The following CPO variants were observed in gnomAD, a reference collection of about 807,000 sequenced individuals.
CPO encodes metallocarboxypeptidase C.
Under a neutral mutation model 41.2 loss-of-function variants are expected in CPO, and 43 were observed. The observed-to-expected ratio is 1.04, with a 90% CI of 0.82 to 1.35. The LOEUF (loss-of-function observed/expected upper bound fraction) is 1.35, where lower values mean the gene tolerates loss of function less well. CPO is among the 40% of genes most tolerant of loss of function. The pLI, the probability that CPO is intolerant of heterozygous loss-of-function variation, is 0.00. For missense variants in CPO, 408 were observed against 451.7 expected, an observed-to-expected ratio of 0.90 and a Z score of 0.88; for synonymous variants, 178 against 162.7, an observed-to-expected ratio of 1.09 and a Z score of -0.72.
intron 1 of CPO, 55 bp downstream of exon 1, chr2:206,939,722 G>C: frequency 1.4e-6 from 2 of 1,480,792 alleles, no homozygotes; most frequent in Non-Finnish European, 1.9e-6. Context: ...TGTCTAAATT[G>C]AATGGTTTCT....
In CPO at chr2:206,962,369, CTG is replaced by C. The variant is rs1491192227; in HGVS notation, c.575-42_575-41del. 4 of 1,574,216 alleles carry C rather than the reference CTG, an allele frequency of 2.5e-6. No homozygotes were observed. The East Asian group carries it at 9.0e-5, about 35-fold the overall frequency. ...CTCCTTGCCATTGGTCATTTCCAAACTGAGATCATGCAGCCTTCTTTGTGGTT... is the reference window on the plus strand; with the variant it reads ...CTCCTTGCCATTGGTCATTTCCAAACAGATCATGCAGCCTTCTTTGTGGTT... On this transcript the variant is annotated intron_variant, in intron 6 of 8. Transcript: ENST00000272852.
chr2:206,968,340 T>C lies in CPO; in HGVS notation c.855T>C (p.Asp285=), dbSNP rs751296982. Residue 285 remains aspartate (D), a synonymous_variant, in exon 8 of 9, where the codon GAT becomes GAC. Coordinates refer to ENST00000272852, the MANE Select transcript of CPO (RefSeq NM_173077.3). The part of the protein sequence containing the change: ...GTNYRVGSSA[D]ILYASSGSSR... ...ATTATAGAGTTGGATCGAGTGCAGA[T>C]ATTTTATGTAAGTATCTTTTTTTGC... 5.0e-6 allele frequency: 8 copies of C among 1,595,322 alleles called. No homozygotes were observed. The highest frequency in any genetic ancestry group is 6.0e-6 in the Non-Finnish European group (7 of 1,163,140).
intron 3 of CPO, among the ~76,000 whole-genome samples, chr2:206,957,450 G>A (rs1693391191): frequency 6.6e-6 from 1 of 151,982 alleles, no homozygotes; most frequent in East Asian, 1.9e-4. Flanking sequence ...AAATAGATGA[G>A]GCTAAAAGGA....
intron 2 of CPO, among the ~76,000 whole-genome samples, chr2:206,952,045 C>A (rs1272457745): frequency 2.6e-5 from 4 of 152,182 alleles, no homozygotes; most frequent in Admixed American, 2.6e-4. Context: ...TTTATCTATA[C>A]CTAGCCCATG....
chr2:206,942,230 T>TTGTC (rs1429276527), intron 1 of CPO, among the ~76,000 whole-genome samples: 1 of 152,060 alleles, frequency 6.6e-6, no homozygotes, highest in African/African-American at 2.4e-5. Flanking sequence ...AAATTATATA[T>TTGTC]AGATATAATC....
At chr2:206,947,053 G>T (rs561152265) in intron 1 of CPO, among the ~76,000 whole-genome samples, 2 of 152,128 alleles carry the variant, frequency 1.3e-5, no homozygotes, top group South Asian at 2.1e-4. Flanking sequence ...AAGTTACTTT[G>T]TGGTTATTGA....
chr2:206,945,884 C>T (rs970536542), intron 1 of CPO, among the ~76,000 whole-genome samples: 5 of 151,530 alleles, frequency 3.3e-5, no homozygotes, highest in African/African-American at 9.7e-5. Context: ...TGCAGTCAGC[C>T]GAGATCATGC....
rs142641706 is a variant in CPO, at chr2:206,958,670, A to C, written c.372+265A>C. 3.0e-3 allele frequency among the ~76,000 whole-genome samples: 459 copies of C among 151,378 alleles called. 3 individuals are homozygous for C. Among genetic ancestry groups the C allele is most frequent in the African/African-American group, 0.01 (416 of 41,298 alleles). On this transcript the variant is annotated intron_variant, in intron 4 of 8. Coordinates refer to ENST00000272852, the MANE Select transcript of CPO (RefSeq NM_173077.3). Reference sequence around the variant, plus strand: ...TAGAAGAACATATGTCTATGGAGTCAGAGATGAGTTTGAATCCTGGCTGTG... The same window carrying C: ...TAGAAGAACATATGTCTATGGAGTCCGAGATGAGTTTGAATCCTGGCTGTG...
At chr2:206,955,426 T>G in intron 2 of CPO, 37 bp from the exon 3 acceptor site, 1 of 1,193,092 alleles carries the variant, frequency 8.4e-7, no homozygotes, top group Non-Finnish European at 1.3e-6. Context: ...CAAACAATCT[T>G]CCTACTGATA....
intron 1 of CPO, among the ~76,000 whole-genome samples, chr2:206,945,513 G>T (rs530049102): frequency 6.6e-6 from 1 of 152,102 alleles, no homozygotes; most frequent in African/African-American, 2.4e-5. Flanking sequence ...TAGAATATTC[G>T]CTGTATGACT....
intron 6 of CPO, among the ~76,000 whole-genome samples, chr2:206,961,368 G>C (rs13423289): frequency 0.045 from 6,856 of 152,200 alleles, 515 homozygotes; most frequent in African/African-American, 0.15. Flanking sequence ...CAGTGAATTG[G>C]AAGCAAATAA....
At chr2:206,965,812 A>C (rs923151258) in intron 7 of CPO, among the ~76,000 whole-genome samples, 5 of 152,140 alleles carry the variant, frequency 3.3e-5, no homozygotes, top group African/African-American at 4.8e-5. Context: ...TATTTTTATT[A>C]GGAAGTACCT....
chr2:206,949,575 AGTTTC>A, intron 1 of CPO, 37 bp from the exon 2 acceptor site: 1 of 1,433,434 alleles, frequency 7.0e-7, no homozygotes, highest in Non-Finnish European at 9.8e-7. Context: ...AGGATATCCC[AGTTTC>A]ACCACTGCTT....
At chr2:206,957,678 A>T (rs1489984954) in intron 3 of CPO, among the ~76,000 whole-genome samples, 1 of 152,130 alleles carries the variant, frequency 6.6e-6, no homozygotes, top group Non-Finnish European at 1.5e-5. Flanking sequence ...ATTAGCAGTT[A>T]ATTCCCACCC....
chr2:206,948,791 C>T (rs1693195965), intron 1 of CPO, among the ~76,000 whole-genome samples: 1 of 152,088 alleles, frequency 6.6e-6, no homozygotes, highest in Non-Finnish European at 1.5e-5. Context: ...TAGTATTATA[C>T]TGTAATGGTA....
At chr2:206,967,680 G>T (rs778732688) in intron 7 of CPO, among the ~76,000 whole-genome samples, 1 of 152,194 alleles carries the variant, frequency 6.6e-6, no homozygotes, top group Non-Finnish European at 1.5e-5. Flanking sequence ...TATCATCTAG[G>T]AGGGATGACA....
chr2:206,960,872 C>T lies in CPO; in HGVS notation c.504C>T (p.Ser168=), dbSNP rs1693465243. 6.2e-7 allele frequency: 1 copy of T among 1,613,342 alleles called. No individual in the cohort carries two copies. The highest frequency in any genetic ancestry group is 1.7e-5 in the Admixed American group (1 of 59,988). ...TWTTDRLWRK[S]RSPHNNGTCF... ...TACAGGATCGTCTTTGGAGGAAATC[C>T]CGTTCACCCCATAATAATGGCACAT... The change falls in exon 6 of 9, where the codon TCC becomes TCT. Residue 168 remains serine (S), a synonymous_variant. Transcript: ENST00000272852.
intron 3 of CPO, 56 bp from the exon 4 acceptor site, chr2:206,958,245 A>G: frequency 1.1e-6 from 1 of 914,370 alleles, no homozygotes; most frequent in Non-Finnish European, 1.7e-6. Context: ...AACTTTGCAC[A>G]GTGGCTTACA....
chr2:206,968,424 C>A, intron 8 of CPO, 77 bp downstream of exon 8: 1 of 825,504 alleles, frequency 1.2e-6, no homozygotes, highest in East Asian at 2.5e-5. Flanking sequence ...GTGAGATAGG[C>A]GGGAGAGGAA....
Sources: gnomAD v4.1 joint callset for allele counts (sites outside exome capture counted in the v4.1 genomes callset) on GRCh38, gnomAD v4.1.1 for gene constraint, MANE v1.5 for transcripts, NCBI Gene and HGNC (gene_info 2026-07-23, HGNC 2026-07-21) for gene names.